The following TNN variants were observed in gnomAD, a reference collection of about 807,000 sequenced individuals.
TNN encodes the protein tenascin-N.
In TNN, 122 loss-of-function variants were observed where a neutral mutation model predicts 134.4. The ratio of observed to expected loss-of-function variants is 0.91; its 90% CI spans 0.78 to 1.06. The LOEUF (loss-of-function observed/expected upper bound fraction) is 1.06, where lower values mean the gene tolerates loss of function less well. TNN is among the 50% of genes least tolerant of loss of function. The pLI, the probability that TNN is intolerant of heterozygous loss-of-function variation, is 0.00. For synonymous variants in TNN, 710 were observed against 670.3 expected, an observed-to-expected ratio of 1.06 and a Z score of -0.91; for missense variants, 1,739 against 1,699.4, an observed-to-expected ratio of 1.02 and a Z score of -0.41.
intron 9 of TNN, among the ~76,000 whole-genome samples, chr1:175,114,878 C>T (rs1250988612): frequency 4.6e-5 from 7 of 152,060 alleles, no homozygotes; most frequent in Non-Finnish European, 1.0e-4. Flanking sequence ...ATTCTAAACT[C>T]TACAATGGTG....
At chr1:175,121,116 A>G (rs1675364349) in intron 11 of TNN, among the ~76,000 whole-genome samples, 1 of 152,204 alleles carries the variant, frequency 6.6e-6, no homozygotes. Flanking sequence ...AAATAAAAAT[A>G]TTTTCTCATT....
intron 7 of TNN, 105 bp downstream of exon 7, chr1:175,094,358 A>G (rs552501941): frequency 1.7e-6 from 2 of 1,173,836 alleles, no homozygotes; most frequent in East Asian, 2.7e-5. Context: ...TTTTGTTTGC[A>G]GGAGTGGGGA....
At chr1:175,097,354 T>C (rs1028932527) in intron 7 of TNN, 63 bp from the exon 8 acceptor site, 1 of 1,591,696 alleles carries the variant, frequency 6.3e-7, no homozygotes, top group Non-Finnish European at 8.6e-7. Flanking sequence ...ACTGTGTTCG[T>C]GCTGTCTTTA....
intron 12 of TNN, among the ~76,000 whole-genome samples, chr1:175,124,893 A>G (rs1488547748): frequency 1.3e-5 from 2 of 151,852 alleles, no homozygotes; most frequent in Admixed American, 1.3e-4. Flanking sequence ...TCTTGGGTTC[A>G]CCTTCTCCAT....
At chr1:175,085,767 G>A (rs544295828) in intron 6 of TNN, among the ~76,000 whole-genome samples, 12 of 151,494 alleles carry the variant, frequency 7.9e-5, no homozygotes, top group Admixed American at 6.6e-5. Context: ...CCAGCTACTC[G>A]GGAGACTGAG....
At chr1:175,073,719 G>C (rs1416157824) in intron 1 of TNN, among the ~76,000 whole-genome samples, 5 of 152,170 alleles carry the variant, frequency 3.3e-5, no homozygotes, top group Non-Finnish European at 5.9e-5. Flanking sequence ...GAAGGGAGAG[G>C]GCACTTTTAC....
intron 4 of TNN, among the ~76,000 whole-genome samples, chr1:175,081,884 G>A (rs1291872795): frequency 6.6e-6 from 1 of 152,202 alleles, no homozygotes; most frequent in African/African-American, 2.4e-5. Context: ...CCCTCTGAGA[G>A]GCTGAAGTTG....
At chr1:175,142,914 C>A (rs954227483) in intron 17 of TNN, among the ~76,000 whole-genome samples, 1 of 152,194 alleles carries the variant, frequency 6.6e-6, no homozygotes, top group Non-Finnish European at 1.5e-5. Context: ...CCGTGCCTGG[C>A]CCATTTGCAT....
At position 175,097,486 on chromosome 1, in the gene TNN, C is replaced by T. The variant is rs369651249; in HGVS notation, c.1658C>T (p.Pro553Leu). 1.4e-5 allele frequency: 22 copies of T among 1,614,092 alleles called. No homozygotes were observed. Among genetic ancestry groups the T allele is most frequent in the South Asian group, 2.2e-5 (2 of 91,076 alleles). The change falls in exon 8 of 19, where the codon CCG becomes CTG. Residue 553 changes from proline (P) to leucine (L), a missense_variant. Coordinates refer to ENST00000239462, the MANE Select transcript of TNN (RefSeq NM_022093.2). ...TENTATISWD[P>L]VQATIDKYVV... Reference sequence around the variant, plus strand: ...AATACCGCCACCATCTCCTGGGACCCGGTACAGGCCACCATTGACAAGTAC... The same window carrying T: ...AATACCGCCACCATCTCCTGGGACCTGGTACAGGCCACCATTGACAAGTAC...
chr1:175,108,237 C>T (rs1338573500), intron 9 of TNN, among the ~76,000 whole-genome samples: 1 of 152,080 alleles, frequency 6.6e-6, no homozygotes, highest in Non-Finnish European at 1.5e-5. Context: ...CATAAAGGTT[C>T]TCCAAGGCCC....
At chr1:175,117,364 C>T (rs1352219689) in intron 10 of TNN, among the ~76,000 whole-genome samples, 159 bp downstream of exon 10, 1 of 152,202 alleles carries the variant, frequency 6.6e-6, no homozygotes, top group East Asian at 1.9e-4. Flanking sequence ...CCCTCATTTT[C>T]CTTTAACTAG....
Position 175,083,778 on chromosome 1 carries a change from G to T in TNN, c.1077G>T (p.Val359=), listed in dbSNP as rs983438166. 1 of 1,614,048 alleles carries T rather than the reference G, an allele frequency of 6.2e-7. No homozygotes were observed. The highest frequency in any genetic ancestry group is 2.2e-5 in the East Asian group (1 of 44,900). Reference sequence around the variant, plus strand: ...TTGCTGTGCTTGGCACTGCCTGGGTGACAGATGAGACTGAGAACTCCCTTG... The same window carrying T: ...TTGCTGTGCTTGGCACTGCCTGGGTTACAGATGAGACTGAGAACTCCCTTG... ...TDLAVLGTAW[V]TDETENSLDV... Residue 359 remains valine, a synonymous_variant, in exon 5 of 19, where the codon GTG becomes GTT. Coordinates refer to ENST00000239462, the MANE Select transcript of TNN (RefSeq NM_022093.2).
At chr1:175,083,377 C>A (rs2149428312) in intron 4 of TNN, among the ~76,000 whole-genome samples, 1 of 152,332 alleles carries the variant, frequency 6.6e-6, no homozygotes, top group East Asian at 1.9e-4. Context: ...GGCTCTGCAG[C>A]TGAAGAGTGG....
At chr1:175,097,217 C>T (rs1198785543) in intron 7 of TNN, among the ~76,000 whole-genome samples, 200 bp from the exon 8 acceptor site, 1 of 152,212 alleles carries the variant, frequency 6.6e-6, no homozygotes, top group East Asian at 1.9e-4. Context: ...TGTCTGAAAA[C>T]TCCACTTCTT....
Position 175,067,856 on chromosome 1 carries a change from G to T in TNN, c.-115G>T. The T allele has an allele frequency of 2.0e-6, 1 of 500,738 alleles. No homozygotes were observed. The highest frequency in any genetic ancestry group is 4.0e-6 in the Non-Finnish European group (1 of 251,270). 31.0% of individuals were successfully genotyped at this position (500,738 alleles called of 1,614,324 possible). A position where few individuals can be genotyped will look rare whatever the true frequency, so the allele number is the denominator to read the frequency against. On this transcript the variant is annotated 5_prime_UTR_variant, in exon 1 of 19. Transcript: ENST00000239462. Reference sequence around the variant, plus strand: ...GAGAGACGAGAACCAGGGACGACCAGCAAGTACCAAGGTCTGCGGCAGGAG... The same window carrying T: ...GAGAGACGAGAACCAGGGACGACCATCAAGTACCAAGGTCTGCGGCAGGAG...
At chr1:175,119,371 A>G (rs1482019630) in intron 11 of TNN, among the ~76,000 whole-genome samples, 1 of 152,206 alleles carries the variant, frequency 6.6e-6, no homozygotes, top group Non-Finnish European at 1.5e-5. Flanking sequence ...GGTCACTCTC[A>G]TTGCCATCTT....
chr1:175,080,648 G>A (rs1024058600), intron 4 of TNN, among the ~76,000 whole-genome samples: 1 of 152,040 alleles, frequency 6.6e-6, no homozygotes, highest in Admixed American at 6.6e-5. Context: ...GGGCTCATGG[G>A]GTCTTCTCTG....
At chr1:175,107,669 G>A (rs1309259747) in intron 9 of TNN, among the ~76,000 whole-genome samples, 1 of 136,994 alleles carries the variant, frequency 7.3e-6, no homozygotes, top group African/African-American at 2.7e-5. Context: ...GGCTCGGGCA[G>A]CCTGCTTTTA....
At chr1:175,144,317 T>G in intron 17 of TNN, 70 bp from the exon 18 acceptor site, 2 of 1,454,970 alleles carry the variant, frequency 1.4e-6, no homozygotes, top group Non-Finnish European at 1.9e-6. Context: ...ATCTTCCTGC[T>G]GGGTCCTCTT....
Sources: allele counts gnomAD v4.1 joint callset (sites outside exome capture counted in the v4.1 genomes callset), GRCh38; gene constraint gnomAD v4.1.1; transcripts MANE v1.5; gene names NCBI Gene and HGNC (gene_info 2026-07-23, HGNC 2026-07-21).